Variants in TMEM209 observed in about 807,000 individuals in gnomAD.
The protein encoded by TMEM209 is testicular tissue protein Li 202.
Under a neutral mutation model 76.2 loss-of-function variants are expected in TMEM209, and 65 were observed. The ratio of observed to expected loss-of-function variants is 0.85; its 90% CI spans 0.70 to 1.05. The LOEUF is 1.05. Ranked by LOEUF, TMEM209 falls within the 50% of genes least tolerant of loss-of-function variation. The pLI, the probability that TMEM209 is intolerant of heterozygous loss-of-function variation, is 0.00. For synonymous variants in TMEM209, 239 were observed against 237.6 expected (o/e 1.01, Z -0.06); for missense variants, 623 against 685.5 (o/e 0.91, Z 1.02).
chr7:130,192,927 C>T, intron 5 of TMEM209, 104 bp from the exon 6 acceptor site: 1 of 1,025,422 alleles, frequency 9.8e-7, no homozygotes, highest in Non-Finnish European at 1.4e-6. Flanking sequence ...CGAAAATCCA[C>T]AATACTGACA....
chr7:130,166,626 G>T (rs1288368811), intron 14 of TMEM209, 121 bp from the exon 15 acceptor site: 1 of 578,780 alleles, frequency 1.7e-6, no homozygotes, highest in Non-Finnish European at 2.8e-6. Context: ...ATTCTGCAAT[G>T]AATTATGTTA....
At chr7:130,170,370 TA>T in intron 14 of TMEM209, 29 bp downstream of exon 14, 1 of 1,562,548 alleles carries the variant, frequency 6.4e-7, no homozygotes, top group East Asian at 2.2e-5. Context: ...AGTAAATAAC[TA>T]CTTACGTTTT....
intron 11 of TMEM209, among the ~76,000 whole-genome samples, chr7:130,174,663 A>G (rs531392960): frequency 6.6e-6 from 1 of 152,306 alleles, no homozygotes; most frequent in East Asian, 1.9e-4. Flanking sequence ...GTAAGCACAC[A>G]AAAACATTTA....
intron 9 of TMEM209, among the ~76,000 whole-genome samples, chr7:130,179,767 G>A (rs1332445950): frequency 6.6e-6 from 1 of 152,086 alleles, no homozygotes; most frequent in Non-Finnish European, 1.5e-5. Context: ...CTTGAGCTCA[G>A]GAGTACAAGA....
intron 3 of TMEM209, among the ~76,000 whole-genome samples, chr7:130,203,513 G>A (rs1197267659): frequency 6.6e-6 from 1 of 152,026 alleles, no homozygotes; most frequent in African/African-American, 2.4e-5. Context: ...CGCATTTCAG[G>A]AGAGTAATAA....
At chr7:130,201,595 T>C (rs1443019213) in intron 5 of TMEM209, among the ~76,000 whole-genome samples, 1 of 152,210 alleles carries the variant, frequency 6.6e-6, no homozygotes, top group Non-Finnish European at 1.5e-5. Context: ...TATCCTTGTT[T>C]CAACTTGTTT....
rs1796875828 is a variant in TMEM209, at chr7:130,166,116, T to C, written c.*335A>G. On this transcript the variant is annotated 3_prime_UTR_variant, in exon 15 of 15. Transcript: ENST00000397622. ...CAAGAATCAGGTAGATGATTCTCAT[T>C]TGGGGGTTACAATGAAAAAAAGACT... is the stretch of plus-strand genomic sequence containing the variant. The C allele has an allele frequency of 5.6e-6, 1 of 178,482 alleles. No individual in the cohort carries two copies. The highest frequency in any genetic ancestry group is 1.2e-5 in the Non-Finnish European group (1 of 85,860). 11.1% of individuals were successfully genotyped at this position (178,482 alleles called of 1,614,324 possible).
At chr7:130,201,088 C>CAAAAAAAAA (rs869309249) in intron 5 of TMEM209, among the ~76,000 whole-genome samples, 2 of 74,168 alleles carry the variant, frequency 2.7e-5, no homozygotes, top group African/African-American at 1.2e-4. Flanking sequence ...GACTCTGTCT[C>CAAAAAAAAA]AAAAAAAAAA....
intron 5 of TMEM209, among the ~76,000 whole-genome samples, chr7:130,201,088 CAAAAAAAAAAAAAAAA>C (rs869309249): frequency 1.3e-5 from 1 of 74,170 alleles, no homozygotes; most frequent in Non-Finnish European, 2.4e-5. Flanking sequence ...GACTCTGTCT[CAAAAAAAAAAAAAAAA>C]AAAAAAAAAA....
At chr7:130,197,882 A>G (rs986615852) in intron 5 of TMEM209, among the ~76,000 whole-genome samples, 5 of 152,234 alleles carry the variant, frequency 3.3e-5, no homozygotes, top group African/African-American at 7.2e-5. Flanking sequence ...AAGCTCTTAG[A>G]TAACAGTTCA....
chr7:130,178,828 T>C (rs901252593), intron 9 of TMEM209, among the ~76,000 whole-genome samples: 1 of 152,254 alleles, frequency 6.6e-6, no homozygotes, highest in African/African-American at 2.4e-5. Flanking sequence ...CACGCTGGAG[T>C]ATAGCGGCAC....
intron 5 of TMEM209, 68 bp downstream of exon 5, chr7:130,201,782 T>A (rs1179175261): frequency 6.3e-7 from 1 of 1,581,478 alleles, no homozygotes. Context: ...TTTTGACTCA[T>A]TAGATGATTT....
chr7:130,174,854 A>C (rs1294233164), intron 11 of TMEM209, among the ~76,000 whole-genome samples: 2 of 152,210 alleles, frequency 1.3e-5, no homozygotes, highest in East Asian at 3.8e-4. Context: ...AGAATAGTTA[A>C]ATGACAGTGT....
In TMEM209 at chr7:130,192,625, G is replaced by C. The variant is rs377705134; in HGVS notation, c.772C>G (p.Leu258Val). The C allele has an allele frequency of 6.2e-7, 1 of 1,613,226 alleles. No individual in the cohort carries two copies. ...SEEEKQHRVK[L>V]GSPDSTSPSS... ...ATATACAGAAATATATATGTACCCA[G>C]CTTAACCCTATGCTGTTTCTCCTCT... Residue 258 changes from leucine to valine, a missense_variant, in exon 6 of 15, where the codon CTG (leucine) becomes GTG (valine). Coordinates refer to ENST00000397622, the MANE Select transcript of TMEM209 (RefSeq NM_032842.4).
Position 130,168,006 on chromosome 7 carries a change from C to A in TMEM209, c.1632-1501G>T, listed in dbSNP as rs1199147960. Among the ~76,000 whole-genome samples the A allele has an allele frequency of 3.9e-5, 6 of 152,036 alleles. No homozygotes were observed. The East Asian group carries it at 9.6e-4, about 24-fold the overall frequency. On this transcript the variant is annotated intron_variant, in intron 14 of 14. Coordinates refer to ENST00000397622, the MANE Select transcript of TMEM209 (RefSeq NM_032842.4). ...TAAGTTGCTCATTAAGAGAATATAG[C>A]GCTTTAAAAATTGTATCAATTTCTT...
At position 130,202,664 on chromosome 7, in the gene TMEM209, C is replaced by G; in HGVS notation, c.200-1G>C. 1 of 1,610,172 alleles carries G rather than the reference C, an allele frequency of 6.2e-7. No homozygotes were observed. The highest frequency in any genetic ancestry group is 8.5e-7 in the Non-Finnish European group (1 of 1,178,666). ...CTGAAGAGAGATGCAAGGGCAAGCT[C>G]TGGAAGAGAACAATTTTTTTTTAAT... On this transcript the variant is annotated splice_acceptor_variant, in intron 3 of 14. Transcript: ENST00000397622. LOFTEE classifies it high-confidence loss of function.
intron 10 of TMEM209, among the ~76,000 whole-genome samples, chr7:130,176,812 G>A (rs1209508140): frequency 1.3e-5 from 2 of 152,086 alleles, no homozygotes; most frequent in East Asian, 3.9e-4. Context: ...GCATTTTTAT[G>A]AGATAGCTGG....
intron 8 of TMEM209, among the ~76,000 whole-genome samples, chr7:130,183,370 G>A (rs575135137): frequency 1.3e-5 from 2 of 152,146 alleles, no homozygotes; most frequent in Non-Finnish European, 2.9e-5. Flanking sequence ...AGTAAGTCTA[G>A]GATTGGGTTC....
At chr7:130,201,735 T>C in intron 5 of TMEM209, 115 bp downstream of exon 5, 1 of 1,332,392 alleles carries the variant, frequency 7.5e-7, no homozygotes, top group South Asian at 1.5e-5. Context: ...AAATGGGTGT[T>C]CTGGGCAAAT....
Sources: gnomAD v4.1 joint callset for allele counts (sites outside exome capture counted in the v4.1 genomes callset) on GRCh38, gnomAD v4.1.1 for gene constraint, MANE v1.5 for transcripts, NCBI Gene and HGNC (gene_info 2026-07-23, HGNC 2026-07-21) for gene names.